The following ZNF229 variants were observed in gnomAD, a reference collection of about 807,000 sequenced individuals.
ZNF229 encodes zinc finger protein 229.
In ZNF229, 10 loss-of-function variants were observed where a neutral mutation model predicts 11.8. The observed-to-expected ratio is 0.85, with a 90% CI of 0.52 to 1.44. ZNF229 has a LOEUF of 1.44. Ranked by LOEUF, ZNF229 falls within the 40% of genes most tolerant of loss-of-function variation. The probability of loss-of-function intolerance (pLI) is 0.00; values close to 1 mark genes in which losing one functional copy is unlikely to be tolerated. For synonymous variants in ZNF229, 368 were observed against 374.8 expected, an observed-to-expected ratio of 0.98 and a Z score of 0.21; for missense variants, 1,045 against 1,015.1, an observed-to-expected ratio of 1.03 and a Z score of -0.40.
Position 44,429,364 on chromosome 19 carries a change from T to G in ZNF229, c.1417A>C (p.Ser473Arg). The G allele has an allele frequency of 6.2e-7, 1 of 1,614,052 alleles. No homozygotes were observed. The highest frequency in any genetic ancestry group is 1.1e-5 in the South Asian group (1 of 91,078). Residue 473 changes from serine (S) to arginine (R), a missense_variant, in exon 6 of 6, where the codon AGC becomes CGC. Physicochemically the swap from Ser to Arg is moderately radical, Grantham distance 110 (BLOSUM62 -1). Coordinates refer to ENST00000614049, the MANE Select transcript of ZNF229 (RefSeq NM_014518.4). ...TTCTGATGACTGCTGAGGTGGGAGC[T>G]GCAGCTGAATCCCTTTCCACACTCG... ...CGECGKGFSC[S>R]SHLSSHQKTH...
intron 4 of ZNF229, among the ~76,000 whole-genome samples, chr19:44,436,809 G>A (rs1038670935): frequency 1.3e-5 from 2 of 152,066 alleles, no homozygotes; most frequent in South Asian, 2.1e-4. Context: ...CAAGTAACTC[G>A]GTGAACCAGA....
At position 44,432,316 on chromosome 19, in the gene ZNF229, T is replaced by C; in HGVS notation, c.144A>G (p.Leu48=). The change falls in exon 5 of 6, where the codon CTA becomes CTG. Residue 48 remains leucine, a synonymous_variant. Coordinates refer to ENST00000614049, the MANE Select transcript of ZNF229 (RefSeq NM_014518.4). ...GCCTCTGGGTAGAGTCCAGCAGCTC[T>C]AGCTCCTCCTCAGTGAAGACCACAG... is the stretch of plus-strand genomic sequence containing the variant. ...DVAVVFTEEE[L]ELLDSTQRQL... 1 of 1,613,834 alleles carries C rather than the reference T, an allele frequency of 6.2e-7. No homozygotes were observed. The highest frequency in any genetic ancestry group is 8.5e-7 in the Non-Finnish European group (1 of 1,179,956).
intron 2 of ZNF229, among the ~76,000 whole-genome samples, chr19:44,446,114 G>A (rs879655015): frequency 5.9e-5 from 9 of 152,162 alleles, no homozygotes; most frequent in Non-Finnish European, 8.8e-5. Context: ...GAGAAAGAGG[G>A]TGACAGAAAG....
Position 44,432,301 on chromosome 19 carries a change from A to G in ZNF229, c.159T>C (p.Ser53=), listed in dbSNP as rs1378958019. Residue 53 remains serine, a synonymous_variant, in exon 5 of 6, where the codon TCT becomes TCC. Transcript: ENST00000614049. Reference sequence around the variant, plus strand: ...CATCTTGGTACAGCTGCCTCTGGGTAGAGTCCAGCAGCTCTAGCTCCTCCT... The same window carrying G: ...CATCTTGGTACAGCTGCCTCTGGGTGGAGTCCAGCAGCTCTAGCTCCTCCT... ...FTEEELELLD[S]TQRQLYQDVM... is the part of the protein sequence containing the mutation. The G allele has an allele frequency of 4.3e-6, 7 of 1,613,868 alleles. No individual in the cohort carries two copies. Among genetic ancestry groups the G allele is most frequent in the Middle Eastern group, 1.6e-4 (1 of 6,078 alleles).
rs772353978 is a variant in ZNF229 at position 44,432,277 on chromosome 19, A to T, written c.183T>A (p.Asp61Glu). 2 of 1,613,828 alleles carry T rather than the reference A, an allele frequency of 1.2e-6. No individual in the cohort carries two copies. The highest frequency in any genetic ancestry group is 2.2e-5 in the South Asian group (2 of 91,062). ...LDSTQRQLYQ[D>E]VMQENFRNLL... ...GGTTCCTGAAATTCTCCTGCATCAC[A>T]TCTTGGTACAGCTGCCTCTGGGTAG... is the stretch of plus-strand genomic sequence containing the variant. Residue 61 changes from aspartate to glutamate, a missense_variant, in exon 5 of 6, where the codon GAT (aspartate) becomes GAA (glutamate). By Grantham distance (45) the Asp-to-Glu change is conservative. Transcript: ENST00000614049.
At chr19:44,445,075 A>G (rs913461877) in intron 2 of ZNF229, among the ~76,000 whole-genome samples, 1 of 152,218 alleles carries the variant, frequency 6.6e-6, no homozygotes, top group African/African-American at 2.4e-5. Flanking sequence ...ATTTGCCCCT[A>G]GAGGTACTTC....
Position 44,428,800 on chromosome 19 carries a change from AC to A in ZNF229, c.1980del (p.Glu660AspfsTer160). The A allele has an allele frequency of 6.2e-7, 1 of 1,612,796 alleles. No individual in the cohort carries two copies. Among genetic ancestry groups the A allele is most frequent in the Non-Finnish European group, 8.5e-7 (1 of 1,179,448 alleles). The stretch of plus-strand genomic sequence containing the variant: ...GATGTGCACCTAAAGCCCTTTCCGC[AC>A]TCTTGGCATCTGTAAGGTTTCTCGC... ...HTGEKPYRCQ[E>X]CGKGFRCTSS... On this transcript the variant is annotated frameshift_variant, in exon 6 of 6. Coordinates refer to ENST00000614049, the MANE Select transcript of ZNF229 (RefSeq NM_014518.4). LOFTEE classifies it low-confidence loss of function (END_TRUNC).
At chr19:44,444,537 G>C (rs1381554022) in intron 2 of ZNF229, among the ~76,000 whole-genome samples, 1 of 152,174 alleles carries the variant, frequency 6.6e-6, no homozygotes, top group Admixed American at 6.5e-5. Flanking sequence ...GGCCAGATCT[G>C]AAACAAGGCC....
In ZNF229 at chr19:44,427,353, A is replaced by T. The variant is rs963061626; in HGVS notation, c.*950T>A. ...AGATACCTAATATTTGATATGTTAA[A>T]CTATGAAATGAACTGGAGCAAAACC... On this transcript the variant is annotated 3_prime_UTR_variant, in exon 6 of 6. Coordinates refer to ENST00000614049, the MANE Select transcript of ZNF229 (RefSeq NM_014518.4). 6.6e-6 allele frequency: 1 copy of T among 151,728 alleles called. No individual in the cohort carries two copies. The highest frequency in any genetic ancestry group is 1.9e-4 in the East Asian group (1 of 5,170). 9.4% of individuals were successfully genotyped at this position (151,728 alleles called of 1,614,324 possible).
chr19:44,430,098 T>C lies in ZNF229; in HGVS notation c.683A>G (p.His228Arg). Residue 228 changes from histidine (H) to arginine (R), a missense_variant, in exon 6 of 6, where the codon CAT becomes CGT. Physicochemically the swap from His to Arg is conservative, Grantham distance 29. Coordinates refer to ENST00000614049, the MANE Select transcript of ZNF229 (RefSeq NM_014518.4). ...TATTTCAGGGAATCTGTGATCAACA[T>C]GACAAGATATCCAGCAAAAGCTGTC... ...DDDSFCWISC[H>R]VDHRFPEIDK... The C allele has an allele frequency of 6.2e-7, 1 of 1,614,190 alleles. No homozygotes were observed. The highest frequency in any genetic ancestry group is 8.5e-7 in the Non-Finnish European group (1 of 1,180,042).
At position 44,428,228 on chromosome 19, in the gene ZNF229, C is replaced by T. The variant is rs56114610; in HGVS notation, c.*75G>A. On this transcript the variant is annotated 3_prime_UTR_variant, in exon 6 of 6. Coordinates refer to ENST00000614049, the MANE Select transcript of ZNF229 (RefSeq NM_014518.4). ...TATAGCCCTCCTACATGTCACTTTC[C>T]TATGGTTTTTCTCCTGTGTTGGCTC... 1.0e-5 allele frequency: 15 copies of T among 1,484,566 alleles called. No homozygotes were observed. In the African/African-American group the frequency reaches 1.8e-4, roughly 18 times the overall value. The allele number at this position is 1,484,566 out of a possible 1,614,324, so 92.0% of individuals were successfully genotyped here. A position where few individuals can be genotyped will look rare whatever the true frequency, so the allele number is the denominator to read the frequency against.
chr19:44,442,785 C>T (rs751685968), intron 3 of ZNF229, 29 bp downstream of exon 3: 3 of 1,543,112 alleles, frequency 1.9e-6, no homozygotes, highest in Admixed American at 1.7e-5. Context: ...TGGATTCTCC[C>T]CCCACCCACC....
intron 4 of ZNF229, among the ~76,000 whole-genome samples, chr19:44,433,501 G>A (rs1168954167): frequency 6.6e-6 from 1 of 152,072 alleles, no homozygotes; most frequent in African/African-American, 2.4e-5. Flanking sequence ...CTTCATGATA[G>A]TGAGTTCTTG....
In ZNF229 at chr19:44,442,974, T is replaced by C. The variant is rs1971942632; in HGVS notation, c.-127A>G. The C allele has an allele frequency of 8.9e-7, 1 of 1,127,402 alleles. No homozygotes were observed. The highest frequency in any genetic ancestry group is 1.9e-5 in the Admixed American group (1 of 53,318). The allele number at this position is 1,127,402 out of a possible 1,614,324, so 69.8% of individuals were successfully genotyped here. A position where few individuals can be genotyped will look rare whatever the true frequency, so the allele number is the denominator to read the frequency against. Reference sequence around the variant, plus strand: ...AACTCTCCAAGCTCTGACAAGTTCCTGTCTCCACCTTTACTGTCCAGAGCG... The same window carrying C: ...AACTCTCCAAGCTCTGACAAGTTCCCGTCTCCACCTTTACTGTCCAGAGCG... On this transcript the variant is annotated 5_prime_UTR_variant, in exon 3 of 6. Coordinates refer to ENST00000614049, the MANE Select transcript of ZNF229 (RefSeq NM_014518.4).
In ZNF229 at chr19:44,429,447, T is replaced by C; in HGVS notation, c.1334A>G (p.Lys445Arg). 1 of 1,613,640 alleles carries C rather than the reference T, an allele frequency of 6.2e-7. No individual in the cohort carries two copies. The highest frequency in any genetic ancestry group is 8.5e-7 in the Non-Finnish European group (1 of 1,179,906). Residue 445 changes from lysine to arginine, a missense_variant, in exon 6 of 6, where the codon AAG becomes AGG. Lys to Arg is a conservative substitution (Grantham distance 26). Coordinates refer to ENST00000614049, the MANE Select transcript of ZNF229 (RefSeq NM_014518.4). ...CSECGKGFCAKSALHKHQHIH... is the reference protein window; with the variant it reads ...CSECGKGFCARSALHKHQHIH... ...GTGCTGGTGTTTGTGCAGTGCAGAC[T>C]TGGCACAGAAGCCTTTGCCACACTC...
chr19:44,429,805 G>T lies in ZNF229; in HGVS notation c.976C>A (p.Arg326Ser), dbSNP rs757827316. ...TGEKSVKSLE[R>S]GRGVRQNTHI... is the part of the protein sequence containing the mutation. ...GTGTTCTGTCTGACGCCCCGACCACGCTCAAGACTCTTAACAGATTTCTCT... is the reference window on the plus strand; with the variant it reads ...GTGTTCTGTCTGACGCCCCGACCACTCTCAAGACTCTTAACAGATTTCTCT... Residue 326 changes from arginine (R) to serine (S), a missense_variant, in exon 6 of 6, where the codon CGT becomes AGT. Coordinates refer to ENST00000614049, the MANE Select transcript of ZNF229 (RefSeq NM_014518.4). 1.9e-6 allele frequency: 3 copies of T among 1,613,798 alleles called. No individual in the cohort carries two copies. Among genetic ancestry groups the T allele is most frequent in the Non-Finnish European group, 1.7e-6 (2 of 1,179,990 alleles).
chr19:44,431,172 G>T (rs574789440), intron 5 of ZNF229, among the ~76,000 whole-genome samples: 1 of 152,144 alleles, frequency 6.6e-6, no homozygotes, highest in South Asian at 2.1e-4. Context: ...GTGTCATCTT[G>T]TGTGAGCAGA....
intron 2 of ZNF229, among the ~76,000 whole-genome samples, chr19:44,444,828 A>G (rs1971977162): frequency 6.6e-6 from 1 of 152,102 alleles, no homozygotes. Flanking sequence ...GTTTCCAGAG[A>G]CTTCCGGTGG....
At chr19:44,440,465 T>C (rs903119489) in intron 4 of ZNF229, among the ~76,000 whole-genome samples, 1 of 152,080 alleles carries the variant, frequency 6.6e-6, no homozygotes, top group Admixed American at 6.5e-5. Context: ...ACAGAATTAA[T>C]GCCCGAGAGA....
Sources: gnomAD v4.1 joint callset for allele counts (sites outside exome capture counted in the v4.1 genomes callset) on GRCh38, gnomAD v4.1.1 for gene constraint, MANE v1.5 for transcripts, NCBI Gene and HGNC (gene_info 2026-07-23, HGNC 2026-07-21) for gene names.